Variants in FREM2 observed in about 807,000 individuals in gnomAD.
FREM2 encodes FRAS1-related extracellular matrix protein 2.
FREM2 carries 119 observed loss-of-function variants against 219.9 expected under a neutral mutation model. The ratio of observed to expected loss-of-function variants is 0.54; its 90% CI spans 0.47 to 0.63. The LOEUF is 0.63. Among genes scored for constraint, FREM2 ranks in the 30% least tolerant of loss-of-function variants. The pLI is 0.00. For synonymous variants in FREM2, 1,562 were observed against 1,522.8 expected (o/e 1.03, Z -0.60); for missense variants, 4,030 against 3,993.6 (o/e 1.01, Z -0.25).
At chr13:38,851,575 A>G (rs1877371958) in intron 10 of FREM2, 111 bp from the exon 11 acceptor site, 4 of 844,290 alleles carry the variant, frequency 4.7e-6, no homozygotes, top group Non-Finnish European at 7.9e-6. Context: ...GAGAGAAGCC[A>G]GGAGTGTAAT....
At chr13:38,753,572 T>C (rs549107363) in intron 2 of FREM2, among the ~76,000 whole-genome samples, 1 of 152,388 alleles carries the variant, frequency 6.6e-6, no homozygotes, top group African/African-American at 2.4e-5. Context: ...TACAGTGTTA[T>C]ACTTGCATTT....
intron 6 of FREM2, among the ~76,000 whole-genome samples, chr13:38,792,905 A>T (rs1039926040): frequency 3.9e-5 from 6 of 152,214 alleles, no homozygotes; most frequent in African/African-American, 1.4e-4. Context: ...ATAAGCAAAT[A>T]CAGTGGTGCC....
chr13:38,712,065 C>T (rs953516636), intron 2 of FREM2, among the ~76,000 whole-genome samples: 3 of 151,706 alleles, frequency 2.0e-5, no homozygotes, highest in African/African-American at 7.3e-5. Flanking sequence ...GGACTACAGG[C>T]GCCTTCCCCC....
Position 38,688,384 on chromosome 13 carries a change from A to G in FREM2, c.1040A>G (p.Asp347Gly). 3.1e-6 allele frequency: 5 copies of G among 1,614,046 alleles called. No individual in the cohort carries two copies. The highest frequency in any genetic ancestry group is 4.2e-6 in the Non-Finnish European group (5 of 1,179,948). The change falls in exon 1 of 24, where the codon GAT becomes GGT. Residue 347 changes from aspartate to glycine, a missense_variant. Physicochemically the swap from Asp to Gly is moderately conservative, Grantham distance 94 (BLOSUM62 -1). This residue lies in a region of FREM2 where 3,102 missense variants were observed against 2,950.7 expected (regional missense o/e 1.05). Transcript: ENST00000280481. ...ACCCCAGACATGCTGGCAGCCGAGG[A>G]TGCTGAGTCTCCCTCTGACCTGTTG... ...ALTPDMLAAEDAESPSDLLIF... is the reference protein window; with the variant it reads ...ALTPDMLAAEGAESPSDLLIF...
At chr13:38,698,927 G>A (rs1870229880) in intron 2 of FREM2, among the ~76,000 whole-genome samples, 1 of 152,122 alleles carries the variant, frequency 6.6e-6, no homozygotes, top group South Asian at 2.1e-4. Context: ...TCAATCATGT[G>A]AGTGCCTTTA....
At chr13:38,843,737 T>A (rs992987278) in intron 6 of FREM2, among the ~76,000 whole-genome samples, 1 of 152,186 alleles carries the variant, frequency 6.6e-6, no homozygotes, top group African/African-American at 2.4e-5. Context: ...ATAAACAATA[T>A]TCAAATTGTA....
chr13:38,831,839 C>T (rs1046902622), intron 6 of FREM2, among the ~76,000 whole-genome samples: 14 of 150,496 alleles, frequency 9.3e-5, no homozygotes, highest in Non-Finnish European at 1.6e-4. Context: ...AGGCTGATCT[C>T]GAACTCCTGA....
chr13:38,873,862 T>G (rs1025951341), intron 17 of FREM2, among the ~76,000 whole-genome samples: 3 of 152,220 alleles, frequency 2.0e-5, no homozygotes, highest in African/African-American at 7.2e-5. Context: ...GTTTCTATTT[T>G]AGAGCTATGT....
rs1874187128 is a variant in FREM2 at position 38,783,196 on chromosome 13, G to T, written c.5767+1G>T. On this transcript the variant is annotated splice_donor_variant, in intron 5 of 23. Coordinates refer to ENST00000280481, the MANE Select transcript of FREM2 (RefSeq NM_207361.6). LOFTEE classifies it high-confidence loss of function. ...ATGGTGGTCTGTTATACCCAACAAG[G>T]TAGCTCGATTTGCCGAAAAACTAAG... is the stretch of plus-strand genomic sequence containing the variant. 1 of 1,613,896 alleles carries T rather than the reference G, an allele frequency of 6.2e-7. No homozygotes were observed. The highest frequency in any genetic ancestry group is 1.7e-5 in the Admixed American group (1 of 59,992).
intron 1 of FREM2, among the ~76,000 whole-genome samples, chr13:38,693,253 T>A (rs1869971296): frequency 6.6e-6 from 1 of 152,182 alleles, no homozygotes; most frequent in Non-Finnish European, 1.5e-5. Flanking sequence ...AAAATATACA[T>A]CTAATTCATT....
chr13:38,813,559 C>A (rs376107509), intron 6 of FREM2, among the ~76,000 whole-genome samples: 849 of 8,630 alleles, frequency 0.098, 16 homozygotes, highest in African/African-American at 0.12. Context: ...CTCTCTCTCT[C>A]TCTCTATATA....
intron 2 of FREM2, among the ~76,000 whole-genome samples, chr13:38,699,714 A>ACTAT (rs1320302478): frequency 6.6e-6 from 1 of 152,094 alleles, no homozygotes; most frequent in African/African-American, 2.4e-5. Context: ...ATATAAGAAA[A>ACTAT]CTATCCTTTG....
intron 6 of FREM2, among the ~76,000 whole-genome samples, chr13:38,795,070 T>G (rs925267724): frequency 2.6e-5 from 4 of 152,130 alleles, no homozygotes; most frequent in East Asian, 3.8e-4. Flanking sequence ...GCATTACCAC[T>G]AGGCTGTAAT....
chr13:38,707,150 A>G (rs554137383), intron 2 of FREM2, among the ~76,000 whole-genome samples: 13 of 152,200 alleles, frequency 8.5e-5, no homozygotes, highest in African/African-American at 4.8e-5. Context: ...CATATAAGCA[A>G]TGTTTCACTG....
intron 2 of FREM2, among the ~76,000 whole-genome samples, chr13:38,756,382 C>G (rs991315707): frequency 6.6e-6 from 1 of 152,132 alleles, no homozygotes; most frequent in African/African-American, 2.4e-5. Flanking sequence ...ACCTTATTAA[C>G]TATATGTTGT....
At chr13:38,692,793 A>T (rs996280366) in intron 1 of FREM2, among the ~76,000 whole-genome samples, 1 of 152,210 alleles carries the variant, frequency 6.6e-6, no homozygotes, top group East Asian at 1.9e-4. Context: ...ATTAAAATCG[A>T]AGCAGGCTTT....
chr13:38,874,172 G>C (rs562009130), intron 17 of FREM2, among the ~76,000 whole-genome samples: 2 of 152,056 alleles, frequency 1.3e-5, no homozygotes, highest in African/African-American at 4.8e-5. Flanking sequence ...TGACAATTTT[G>C]TCATGCCTCT....
intron 11 of FREM2, 128 bp downstream of exon 11, chr13:38,851,996 A>G (rs1877389833): frequency 5.9e-6 from 5 of 848,108 alleles, no homozygotes; most frequent in Non-Finnish European, 5.9e-6. Context: ...TTTAGGGGGT[A>G]TAATTTTAAG....
At chr13:38,812,674 A>C (rs918805884) in intron 6 of FREM2, among the ~76,000 whole-genome samples, 1 of 152,074 alleles carries the variant, frequency 6.6e-6, no homozygotes, top group Admixed American at 6.6e-5. Flanking sequence ...TGAGAACAGG[A>C]GTTTGAGACC....
Sources: allele counts gnomAD v4.1 joint callset (sites outside exome capture counted in the v4.1 genomes callset), GRCh38; gene constraint gnomAD v4.1.1; regional missense constraint gnomAD v4.1.1; transcripts MANE v1.5; gene names NCBI Gene and HGNC (gene_info 2026-07-23, HGNC 2026-07-21).